The following C2CD5 variants were observed in gnomAD, a reference collection of about 807,000 sequenced individuals.
The protein encoded by C2CD5 is C2 calcium dependent domain containing 5, also known as C2 domain-containing protein 5.
In C2CD5, 109 loss-of-function variants were observed where a neutral mutation model predicts 130.3. The observed-to-expected ratio is 0.84, with a 90% confidence interval of 0.72 to 0.98. C2CD5 has a LOEUF of 0.98. Among genes scored for constraint, C2CD5 ranks in the 50% least tolerant of loss-of-function variants. The probability of loss-of-function intolerance (pLI) is 0.00; values close to 1 mark genes in which losing one functional copy is unlikely to be tolerated. For synonymous variants in C2CD5, 454 were observed against 429.2 expected, an observed-to-expected ratio of 1.06 and a Z score of -0.71; for missense variants, 996 against 1,261.8, an observed-to-expected ratio of 0.79 and a Z score of 3.19.
chr12:22,515,973 T>G (rs1178232710), intron 8 of C2CD5, among the ~76,000 whole-genome samples: 1 of 151,322 alleles, frequency 6.6e-6, no homozygotes, highest in African/African-American at 2.4e-5. Context: ...TGTCAAAAAT[T>G]AGTATCTACA....
At chr12:22,473,122 A>C (rs559565555) in intron 16 of C2CD5, among the ~76,000 whole-genome samples, 122 of 152,326 alleles carry the variant, frequency 8.0e-4, no homozygotes, top group South Asian at 4.8e-3. Context: ...AAATTAATAA[A>C]GTGTAATGAG....
intron 10 of C2CD5, among the ~76,000 whole-genome samples, chr12:22,500,669 C>T (rs968854528): frequency 2.0e-5 from 3 of 152,086 alleles, no homozygotes; most frequent in African/African-American, 7.2e-5. Flanking sequence ...TTGCGTGGCA[C>T]AAAATAAATT....
At chr12:22,483,518 ATTT>A (rs1400715305) in intron 13 of C2CD5, among the ~76,000 whole-genome samples, 3 of 152,134 alleles carry the variant, frequency 2.0e-5, no homozygotes, top group Non-Finnish European at 4.4e-5. Flanking sequence ...AGCCCAAAAT[ATTT>A]TTTAAGATAA....
chr12:22,504,777 C>T (rs1011135650), intron 10 of C2CD5, among the ~76,000 whole-genome samples: 5 of 152,160 alleles, frequency 3.3e-5, no homozygotes, highest in Non-Finnish European at 7.4e-5. Flanking sequence ...GGTATTTTAA[C>T]TCAGTATTTC....
At position 22,471,322 on chromosome 12, in the gene C2CD5, C is replaced by G. The variant is rs1283581794; in HGVS notation, c.2358+77G>C. 20 of 840,922 alleles carry G rather than the reference C, an allele frequency of 2.4e-5. No individual in the cohort carries two copies. In the Admixed American group the frequency reaches 2.7e-4, roughly 11 times the overall value. 52.1% of individuals were successfully genotyped at this position (840,922 alleles called of 1,614,324 possible). A position where few individuals can be genotyped will look rare whatever the true frequency, so the allele number is the denominator to read the frequency against. On this transcript the variant is annotated intron_variant, in intron 20 of 26. Transcript: ENST00000446597. ...CTAGTATATGTTTATTTAATTACGG[C>G]AAAATTATGATAAACAGATAATGAA...
chr12:22,528,695 T>G (rs1329700532), intron 3 of C2CD5, among the ~76,000 whole-genome samples: 3 of 152,210 alleles, frequency 2.0e-5, no homozygotes, highest in Non-Finnish European at 2.9e-5. Flanking sequence ...GATGTTCTTC[T>G]TTACATCAGA....
chr12:22,542,713 C>T (rs1378686308), intron 2 of C2CD5, among the ~76,000 whole-genome samples: 4 of 152,186 alleles, frequency 2.6e-5, no homozygotes, highest in African/African-American at 9.7e-5. Context: ...GTTAAGAGAA[C>T]AAACTGTCAG....
At chr12:22,513,768 A>G (rs1949433901) in intron 8 of C2CD5, among the ~76,000 whole-genome samples, 1 of 152,166 alleles carries the variant, frequency 6.6e-6, no homozygotes, top group Non-Finnish European at 1.5e-5. Context: ...AAAATGTCTG[A>G]TTAAATGTAA....
rs762273958 is a variant in C2CD5, at chr12:22,481,798, ATTTTTTTTT to A, written c.1737+750_1737+758del. ...AGCTTCCTGCCAGCACACCTGGTGT[ATTTTTTTTT>A]TTTTTTTTTTTTTTATAGAGACAGT... On this transcript the variant is annotated intron_variant, in intron 14 of 26. Transcript: ENST00000446597. 2.6e-4 allele frequency among the ~76,000 whole-genome samples: 24 copies of A among 93,156 alleles called. No individual in the cohort carries two copies. In the South Asian group the frequency reaches 8.0e-3, roughly 31 times the overall value. 61.1% of individuals were successfully genotyped at this position (93,156 alleles called of 152,430 possible). A position where few individuals can be genotyped will look rare whatever the true frequency, so the allele number is the denominator to read the frequency against.
chr12:22,490,260 C>T (rs754939247), intron 11 of C2CD5, 42 bp from the exon 12 acceptor site: 21 of 1,389,748 alleles, frequency 1.5e-5, no homozygotes, highest in East Asian at 6.9e-5. Flanking sequence ...TTTTTCAGAC[C>T]GTATAACTTT....
At position 22,472,039 on chromosome 12, in the gene C2CD5, T is replaced by A. The variant is rs1451166277; in HGVS notation, c.2196A>T (p.Arg732Ser). The change falls in exon 19 of 27, where the codon AGA (arginine) becomes AGT (serine). Residue 732 changes from arginine to serine, a missense_variant. Arg to Ser is a moderately radical substitution (Grantham distance 110). Coordinates refer to ENST00000446597, the MANE Select transcript of C2CD5 (RefSeq NM_001286176.2). ...GATTAGTCAGGTTGAGGCTGCTTAA[T>A]CTGATTACTCTTACTGAAGTGAACA... ...IQMFTSVRVI[R>S]LSSLNLTNQA... 3 of 1,592,602 alleles carry A rather than the reference T, an allele frequency of 1.9e-6. No individual in the cohort carries two copies. Among genetic ancestry groups the A allele is most frequent in the South Asian group, 2.2e-5 (2 of 89,350 alleles).
At chr12:22,479,191 A>C (rs1944337442) in intron 14 of C2CD5, among the ~76,000 whole-genome samples, 1 of 151,754 alleles carries the variant, frequency 6.6e-6, no homozygotes, top group African/African-American at 2.4e-5. Flanking sequence ...CTTCTGCCTC[A>C]GCCTCCTGAG....
At chr12:22,489,895 T>C (rs550574490) in intron 12 of C2CD5, among the ~76,000 whole-genome samples, 2 of 152,240 alleles carry the variant, frequency 1.3e-5, no homozygotes, top group South Asian at 2.1e-4. Context: ...TAATCATACA[T>C]GTCACTTATC....
chr12:22,544,382 G>A lies in C2CD5; in HGVS notation c.-92C>T, dbSNP rs759943052. ...GAGACCTCATTCCGGAGAGGCGGCG[G>A]GAGGAAGGGCTTTGATGGGTTCTTC... On this transcript the variant is annotated 5_prime_UTR_variant, in exon 1 of 27. Transcript: ENST00000446597. 4.7e-6 allele frequency: 2 copies of A among 429,152 alleles called. No homozygotes were observed. The highest frequency in any genetic ancestry group is 8.2e-6 in the Non-Finnish European group (2 of 243,056). 26.6% of individuals were successfully genotyped at this position (429,152 alleles called of 1,614,324 possible). A position where few individuals can be genotyped will look rare whatever the true frequency, so the allele number is the denominator to read the frequency against.
Position 22,524,605 on chromosome 12 carries a change from A to G in C2CD5, c.468T>C (p.Tyr156=). 1.2e-6 allele frequency: 2 copies of G among 1,613,010 alleles called. No individual in the cohort carries two copies. The highest frequency in any genetic ancestry group is 1.7e-6 in the Non-Finnish European group (2 of 1,179,258). The change falls in exon 6 of 27, where the codon TAT becomes TAC. Residue 156 remains tyrosine, a synonymous_variant. Coordinates refer to ENST00000446597, the MANE Select transcript of C2CD5 (RefSeq NM_001286176.2). ...CAAATCCATGAATTATCACAGCTCT[A>G]TAGCATTTTGGAATAGACGTTGCTG... ...FFCTTSIPKC[Y]RAVIIHGFVE...
chr12:22,490,095 A>G (rs749911967), intron 12 of C2CD5, 28 bp downstream of exon 12: 2 of 1,561,936 alleles, frequency 1.3e-6, no homozygotes, highest in Admixed American at 3.4e-5. Flanking sequence ...CTGCCCTTAT[A>G]GAAAATAAGC....
intron 3 of C2CD5, chr12:22,534,687 T>C (rs963096395): frequency 6.6e-6 from 1 of 152,632 alleles, no homozygotes; most frequent in African/African-American, 2.4e-5. Context: ...ACAAGTATTA[T>C]ATGACTCCAT....
At chr12:22,507,605 A>G (rs1948710953) in intron 9 of C2CD5, among the ~76,000 whole-genome samples, 2 of 152,212 alleles carry the variant, frequency 1.3e-5, no homozygotes, top group Non-Finnish European at 2.9e-5. Flanking sequence ...ATTCATTGAA[A>G]TAGGACCCAA....
intron 10 of C2CD5, among the ~76,000 whole-genome samples, chr12:22,498,231 C>T (rs1337513013): frequency 6.6e-6 from 1 of 152,086 alleles, no homozygotes; most frequent in Non-Finnish European, 1.5e-5. Context: ...CACATATGCA[C>T]ACACCAAAAT....
Sources: allele counts gnomAD v4.1 joint callset (sites outside exome capture counted in the v4.1 genomes callset), GRCh38; gene constraint gnomAD v4.1.1; transcripts MANE v1.5; gene names NCBI Gene and HGNC (gene_info 2026-07-23, HGNC 2026-07-21).